The following PFKM variants were observed in gnomAD, a reference collection of about 807,000 sequenced individuals.
PFKM encodes the protein ATP-dependent 6-phosphofructokinase, muscle type.
A neutral mutation model predicts 95.5 loss-of-function variants in PFKM; 58 were observed. The ratio of observed to expected loss-of-function variants is 0.61; its 90% CI spans 0.49 to 0.76. The LOEUF (loss-of-function observed/expected upper bound fraction) is 0.76. Among genes scored for constraint, PFKM ranks in the 30% least tolerant of loss-of-function variants. The probability of loss-of-function intolerance (pLI) is 0.00; values close to 1 mark genes in which losing one functional copy is unlikely to be tolerated. For synonymous variants in PFKM, 336 were observed against 357.2 expected (o/e 0.94, Z 0.67); for missense variants, 678 against 1,005.4 (o/e 0.67, Z 4.40).
At chr12:48,139,249 C>T (rs572462305) in intron 11 of PFKM, 36 bp from the exon 12 acceptor site, 1 of 1,545,152 alleles carries the variant, frequency 6.5e-7, no homozygotes, top group Admixed American at 1.7e-5. Flanking sequence ...GAATCCTGAC[C>T]CTGGAGTTGA....
rs2286020 is a variant in PFKM, at chr12:48,134,636, T to C, written c.639-85T>C. The C allele has an allele frequency of 0.15, 153,543 of 1,004,338 alleles. 13,210 individuals are homozygous for C. The highest frequency in any genetic ancestry group is 0.32 in the African/African-American group (20,169 of 62,954). The allele number at this position is 1,004,338 out of a possible 1,614,324, so 62.2% of individuals were successfully genotyped here. On this transcript the variant is annotated intron_variant, in intron 7 of 22. Transcript: ENST00000359794. The stretch of plus-strand genomic sequence containing the variant: ...GGCTCTCCAGACCTTTTATCAACTA[T>C]GAGGACTAGGAGAACTTGTTGGGTA...
At chr12:48,116,432 A>G (rs1263064183), upstream of PFKM, among the ~76,000 whole-genome samples, 1 of 152,036 alleles carries the variant, frequency 6.6e-6, no homozygotes, top group Admixed American at 6.6e-5. Context: ...CTTTTTAGCC[A>G]TTATATATCA....
intron 3 of PFKM, among the ~76,000 whole-genome samples, chr12:48,110,775 C>T (rs1947111156): frequency 6.6e-6 from 1 of 152,146 alleles, no homozygotes; most frequent in East Asian, 1.9e-4. Context: ...GCTGTTTTTT[C>T]CAACATCTTG....
At position 48,134,721 on chromosome 12, in the gene PFKM, A is replaced by T; in HGVS notation, c.639A>T (p.Gly213=). The part of the protein sequence containing the change: ...FVLEVMGRHC[G]YLALVTSLSC... ...AGGATGCTTCTGACTCTCATCTCAG[A>T]TACCTGGCCCTTGTCACCTCTCTGT... The change falls in exon 8 of 23, where the codon GGA becomes GGT. Residue 213 remains glycine, a splice_region_variant and synonymous_variant. Coordinates refer to ENST00000359794, the MANE Select transcript of PFKM (RefSeq NM_000289.6). 3 of 1,608,428 alleles carry T rather than the reference A, an allele frequency of 1.9e-6. No individual in the cohort carries two copies. The highest frequency in any genetic ancestry group is 1.7e-4 in the Middle Eastern group (1 of 6,048).
At chr12:48,119,320 C>G, upstream of PFKM, 1 of 983,682 alleles carries the variant, frequency 1.0e-6, no homozygotes, top group Non-Finnish European at 1.2e-6. Flanking sequence ...CCACCTGGCT[C>G]CTCCCCATGT....
intron 2 of PFKM, among the ~76,000 whole-genome samples, chr12:48,127,631 C>G (rs1346249040): frequency 6.6e-6 from 1 of 152,200 alleles, no homozygotes; most frequent in Non-Finnish European, 1.5e-5. Context: ...TTCCACATTT[C>G]TTTTCTAGGA....
intron 1 of PFKM, among the ~76,000 whole-genome samples, chr12:48,122,155 C>A (rs1360940196): frequency 2.0e-5 from 3 of 152,114 alleles, no homozygotes; most frequent in African/African-American, 4.8e-5. Flanking sequence ...CATAGAAAGC[C>A]CCTGACCATT....
chr12:48,143,428 C>T (rs1375458702), intron 18 of PFKM, among the ~76,000 whole-genome samples: 3 of 152,176 alleles, frequency 2.0e-5, no homozygotes, highest in African/African-American at 7.2e-5. Flanking sequence ...AACACTGACA[C>T]TGTGACCACA....
rs1473442876 is a variant in PFKM at position 48,144,160 on chromosome 12, A to G, written c.1992+3A>G. ...ATGTGCTTGGTCACATGCAGCAGGT[A>G]GGGAAGACACCGTAGTCATGCCCTT... On this transcript the variant is annotated splice_donor_region_variant and intron_variant, in intron 20 of 22. Transcript: ENST00000359794. The G allele has an allele frequency of 1.3e-6, 2 of 1,585,972 alleles. No homozygotes were observed. Among genetic ancestry groups the G allele is most frequent in the Non-Finnish European group, 8.7e-7 (1 of 1,155,348 alleles).
chr12:48,145,088 A>C lies in PFKM; in HGVS notation c.2050A>C (p.Met684Leu). 6.2e-7 allele frequency: 1 copy of C among 1,614,168 alleles called. No individual in the cohort carries two copies. Among genetic ancestry groups the C allele is most frequent in the Non-Finnish European group, 8.5e-7 (1 of 1,180,004 alleles). ...NFATKMGAKA[M>L]NWMSGKIKES... ...TGCCACTAAGATGGGCGCCAAGGCT[A>C]TGAACTGGATGTCTGGGAAAATCAA... Residue 684 changes from methionine to leucine, a missense_variant, in exon 21 of 23, where the codon ATG (methionine) becomes CTG (leucine). Transcript: ENST00000359794. This position sits in a 1 kb window ranked among gnomAD's most constrained non-coding sequence, Gnocchi z 4.3.
At chr12:48,143,862 T>C (rs1465873952) in intron 19 of PFKM, 48 bp downstream of exon 19, 3 of 1,452,876 alleles carry the variant, frequency 2.1e-6, no homozygotes, top group Non-Finnish European at 2.9e-6. Flanking sequence ...AAATAAGCTT[T>C]GGCTCAAACC....
At chr12:48,120,115 T>C (rs1948098579) in intron 1 of PFKM, among the ~76,000 whole-genome samples, 1 of 152,176 alleles carries the variant, frequency 6.6e-6, no homozygotes, top group South Asian at 2.1e-4. Flanking sequence ...CCTTTTTGCC[T>C]TCCTATTTGC....
chr12:48,143,028 A>G (rs1950711213), intron 18 of PFKM, 82 bp downstream of exon 18: 1 of 1,351,738 alleles, frequency 7.4e-7, no homozygotes, highest in South Asian at 1.2e-5. Flanking sequence ...ATGAGAGCTC[A>G]AGTTGAGGAC....
At chr12:48,105,432 T>C (rs367835565), upstream of PFKM, 5 of 518,874 alleles carry the variant, frequency 9.6e-6, no homozygotes, top group Non-Finnish European at 1.9e-5. Context: ...AAGCAAATTG[T>C]GGCAGTTAAG....
upstream of PFKM, chr12:48,105,614 A>G: frequency 2.2e-6 from 1 of 453,194 alleles, no homozygotes; most frequent in Non-Finnish European, 4.3e-6. Context: ...CGGGAGATGA[A>G]GCCGGTACCA....
In PFKM at chr12:48,135,482, C is replaced by A. The variant is rs898452633; in HGVS notation, c.936+99C>A. On this transcript the variant is annotated intron_variant, in intron 10 of 22. Coordinates refer to ENST00000359794, the MANE Select transcript of PFKM (RefSeq NM_000289.6). ...CTTCACCAGACAGGGACTTACATCA[C>A]TGGTCGCATTGCCTCTCCACCAGCC... The A allele has an allele frequency of 9.7e-6, 8 of 824,256 alleles. No homozygotes were observed. The African/African-American group carries it at 1.2e-4, about 12-fold the overall frequency. 51.1% of individuals were successfully genotyped at this position (824,256 alleles called of 1,614,324 possible).
At chr12:48,137,610 G>A in intron 10 of PFKM, 111 bp from the exon 11 acceptor site, 1 of 1,279,714 alleles carries the variant, frequency 7.8e-7, no homozygotes, top group Non-Finnish European at 1.1e-6. Context: ...GTTCTTAATT[G>A]TGAGACTCAG....
At chr12:48,116,521 C>G (rs557893954), upstream of PFKM, among the ~76,000 whole-genome samples, 28 of 152,180 alleles carry the variant, frequency 1.8e-4, no homozygotes, top group African/African-American at 5.8e-4. Flanking sequence ...CTCTGTCGCC[C>G]AGGGTGGAGT....
At chr12:48,117,834 G>A (rs1171013872), upstream of PFKM, among the ~76,000 whole-genome samples, 1 of 152,184 alleles carries the variant, frequency 6.6e-6, no homozygotes, top group African/African-American at 2.4e-5. Flanking sequence ...ATTTTAGGGA[G>A]ATATAAGGTA....
Sources: allele counts gnomAD v4.1 joint callset (sites outside exome capture counted in the v4.1 genomes callset), GRCh38; gene constraint gnomAD v4.1.1; non-coding constraint Gnocchi (gnomAD v3.1); transcripts MANE v1.5; gene names NCBI Gene and HGNC (gene_info 2026-07-23, HGNC 2026-07-21).